CFAP77: variants seen among roughly 807,000 people sequenced by gnomAD.
CFAP77 encodes the protein cilia and flagella associated protein 77.
In CFAP77, 25 loss-of-function variants were observed where a neutral mutation model predicts 31.1. The observed-to-expected ratio is 0.80, with a 90% CI of 0.59 to 1.12. The LOEUF is 1.12. Ranked by LOEUF, CFAP77 falls within the 50% of genes most tolerant of loss-of-function variation. CFAP77 has a pLI of 0.00. For synonymous variants in CFAP77, 151 were observed against 159.9 expected (o/e 0.94, Z 0.42); for missense variants, 377 against 397.3 (o/e 0.95, Z 0.44).
intron 3 of CFAP77, among the ~76,000 whole-genome samples, chr9:132,534,394 C>A (rs568485125): frequency 1.3e-5 from 2 of 151,928 alleles, no homozygotes; most frequent in Non-Finnish European, 2.9e-5. Flanking sequence ...GGGTGGATCA[C>A]GAGGTCAGGA....
chr9:132,520,592 C>A (rs1276452816), intron 3 of CFAP77, among the ~76,000 whole-genome samples: 3 of 152,084 alleles, frequency 2.0e-5, no homozygotes, highest in Admixed American at 6.5e-5. Context: ...CTGCAGTGAG[C>A]TAGGATCGCA....
chr9:132,572,429 C>G lies in CFAP77; in HGVS notation c.774C>G (p.Arg258=), dbSNP rs199774774. Residue 258 remains arginine, a synonymous_variant, in exon 6 of 6, where the codon CGC becomes CGG. Transcript: ENST00000393216. ...HLDTFPTEAD[R]QRALKAHREE... is the part of the protein sequence containing the mutation. ...ATACGTTCCCCACGGAGGCCGATCG[C>G]CAGAGAGCATTAAAAGCCCACCGGG... The G allele has an allele frequency of 2.1e-5, 34 of 1,613,310 alleles. No homozygotes were observed. The African/African-American group carries it at 4.4e-4, about 21-fold the overall frequency.
At chr9:132,558,722 T>A (rs1481107286) in intron 5 of CFAP77, among the ~76,000 whole-genome samples, 3 of 138,982 alleles carry the variant, frequency 2.2e-5, no homozygotes, top group African/African-American at 8.2e-5. Context: ...AATAAATAAA[T>A]AAAAATAAGG....
intron 1 of CFAP77, among the ~76,000 whole-genome samples, chr9:132,469,999 C>T (rs787892): frequency 0.63 from 95,994 of 151,808 alleles, 30,743 homozygotes; most frequent in East Asian, 0.83. Flanking sequence ...GCCACCACAC[C>T]CGGCTAATTT....
chr9:132,476,716 G>A lies in CFAP77; in HGVS notation c.196-21979G>A, dbSNP rs553013472. On this transcript the variant is annotated intron_variant, in intron 1 of 5. Transcript: ENST00000393216. ...GACACACAGGGGAGAAGGCCATGTG[G>A]AAACAGAGGCAGAGATTGGAGTGAT... Among the ~76,000 whole-genome samples, 515 of 152,230 alleles carry A rather than the reference G, an allele frequency of 3.4e-3. 3 individuals are homozygous for A. The highest frequency in any genetic ancestry group is 0.011 in the African/African-American group (476 of 41,534).
rs59722731 is a variant in CFAP77, at chr9:132,481,959, TGGG to T, written c.196-16724_196-16722del. Among the ~76,000 whole-genome samples the T allele has an allele frequency of 6.9e-3, 801 of 115,792 alleles. 11 individuals carry two copies. The highest frequency in any genetic ancestry group is 0.011 in the African/African-American group (391 of 35,148). 76.0% of individuals were successfully genotyped at this position (115,792 alleles called of 152,430 possible). ...TCAGGAAGGAACAAGGGTTTATGGT[TGGG>T]GGGGGGGGGGGCGGCGGAACACTGA... On this transcript the variant is annotated intron_variant, in intron 1 of 5. Transcript: ENST00000393216. This position sits in a 1 kb window ranked among gnomAD's most constrained non-coding sequence, Gnocchi z 5.0.
chr9:132,435,711 G>A (rs1850494455), intron 1 of CFAP77, among the ~76,000 whole-genome samples: 1 of 152,280 alleles, frequency 6.6e-6, no homozygotes, highest in Non-Finnish European at 1.5e-5. Context: ...CAAGATAGCA[G>A]GAACTCAATT....
chr9:132,420,198 G>A (rs1162531959), intron 1 of CFAP77, among the ~76,000 whole-genome samples: 2 of 150,084 alleles, frequency 1.3e-5, no homozygotes, highest in Non-Finnish European at 3.0e-5. Flanking sequence ...GTGATGAGAG[G>A]CCAGAATGCC....
intron 5 of CFAP77, among the ~76,000 whole-genome samples, chr9:132,543,475 G>A (rs1027878178): frequency 7.9e-5 from 12 of 152,028 alleles, no homozygotes; most frequent in African/African-American, 1.2e-4. Context: ...CTGTCCGTCC[G>A]CCTTGAGGAA....
At position 132,468,216 on chromosome 9, in the gene CFAP77, C is replaced by T. The variant is rs1285344936; in HGVS notation, c.196-30479C>T. 4.6e-5 allele frequency among the ~76,000 whole-genome samples: 7 copies of T among 152,004 alleles called. No homozygotes were observed. In the East Asian group the frequency reaches 9.6e-4, roughly 21 times the overall value. ...AAAAAATTAGCAGGGCCTGGTGGTG[C>T]GCACCAGTAGTCCTAGCTACTCAGG... On this transcript the variant is annotated intron_variant, in intron 1 of 5. Transcript: ENST00000393216.
Position 132,554,746 on chromosome 9 carries a change from G to A in CFAP77, c.732+11699G>A, listed in dbSNP as rs560064976. Among the ~76,000 whole-genome samples, 77 of 152,304 alleles carry A rather than the reference G, an allele frequency of 5.1e-4. No individual in the cohort carries two copies. The highest frequency in any genetic ancestry group is 1.7e-3 in the African/African-American group (69 of 41,558). ...AAGTAAAACACTTCTTCCACTTAGA[G>A]TTTAAGCTGAGCAAAGCAGAGATCT... On this transcript the variant is annotated intron_variant, in intron 5 of 5. Transcript: ENST00000393216. The surrounding 1 kb of genome is among the most constrained non-coding windows in gnomAD (Gnocchi z 4.1).
At position 132,543,720 on chromosome 9, in the gene CFAP77, G is replaced by A. The variant is rs575178203; in HGVS notation, c.732+673G>A. Among the ~76,000 whole-genome samples the A allele has an allele frequency of 1.2e-3, 182 of 152,270 alleles. 1 individual carries two copies. The Middle Eastern group carries it at 0.024, about 20-fold the overall frequency. On this transcript the variant is annotated intron_variant, in intron 5 of 5. Transcript: ENST00000393216. ...CTACCAAGGACTGGGGCAAGTGTGC[G>A]ACACGTACCCAGACTGACCTAGATA...
chr9:132,426,594 T>C (rs1850319764), intron 1 of CFAP77, among the ~76,000 whole-genome samples: 1 of 151,562 alleles, frequency 6.6e-6, no homozygotes, highest in Admixed American at 6.6e-5. Flanking sequence ...CTGACAGTCA[T>C]CCACATTTGC....
chr9:132,456,205 C>A (rs1441466713), intron 1 of CFAP77, among the ~76,000 whole-genome samples: 1 of 152,166 alleles, frequency 6.6e-6, no homozygotes, highest in Non-Finnish European at 1.5e-5. Context: ...AAGGTAGCAT[C>A]GCTTATAGTA....
intron 1 of CFAP77, chr9:132,482,213 C>T: frequency 1.5e-6 from 1 of 657,752 alleles, no homozygotes; most frequent in Admixed American, 2.8e-5. Context: ...TCATAGGGAG[C>T]CTTTTTCTTA....
chr9:132,546,623 C>T (rs896303903), intron 5 of CFAP77, among the ~76,000 whole-genome samples: 1 of 152,234 alleles, frequency 6.6e-6, no homozygotes, highest in African/African-American at 2.4e-5. Flanking sequence ...CTGGATGACC[C>T]GGGCCACTTA....
rs1851782583 is a variant in CFAP77 at position 132,498,544 on chromosome 9, AG to A, written c.196-148del. The A allele has an allele frequency of 1.6e-6, 1 of 619,500 alleles. No homozygotes were observed. The highest frequency in any genetic ancestry group is 1.9e-5 in the South Asian group (1 of 52,948). 38.4% of individuals were successfully genotyped at this position (619,500 alleles called of 1,614,324 possible). ...GCCACAGCCTGCGCTCCTCCCAGGG[AG>A]GGCTCTGCCACCCACTCCTGTGCCA... is the stretch of plus-strand genomic sequence containing the variant. On this transcript the variant is annotated intron_variant, in intron 1 of 5. Transcript: ENST00000393216. This position sits in a 1 kb window ranked among gnomAD's most constrained non-coding sequence, Gnocchi z 4.2.
In CFAP77 at chr9:132,572,443, A is replaced by G. The variant is rs777829496; in HGVS notation, c.788A>G (p.Lys263Arg). 4.3e-6 allele frequency: 7 copies of G among 1,612,658 alleles called. No homozygotes were observed. The East Asian group carries it at 1.1e-4, about 26-fold the overall frequency. The stretch of plus-strand genomic sequence containing the variant: ...GAGGCCGATCGCCAGAGAGCATTAA[A>G]AGCCCACCGGGAAGAGTGTGCCGTG... ...PTEADRQRAL[K>R]AHREECAVRQ... Residue 263 changes from lysine (K) to arginine (R), a missense_variant, in exon 6 of 6, where the codon AAA (lysine) becomes AGA (arginine). Lys to Arg is a conservative substitution (Grantham distance 26). Transcript: ENST00000393216.
chr9:132,529,532 T>TAAAAAAAAAAAAAA (rs1852399501), intron 3 of CFAP77, among the ~76,000 whole-genome samples: 2 of 108,756 alleles, frequency 1.8e-5, no homozygotes, highest in African/African-American at 8.3e-5. Flanking sequence ...AAAAAAAAAC[T>TAAAAAAAAAAAAAA]AAACACATAC....
Sources: allele counts gnomAD v4.1 joint callset (sites outside exome capture counted in the v4.1 genomes callset), GRCh38; gene constraint gnomAD v4.1.1; non-coding constraint Gnocchi (gnomAD v3.1); transcripts MANE v1.5; gene names NCBI Gene and HGNC (gene_info 2026-07-23, HGNC 2026-07-21).